PIEZO2: variants seen among roughly 807,000 people sequenced by gnomAD.
The protein encoded by PIEZO2 is piezo-type mechanosensitive ion channel component 2.
In PIEZO2, 172 loss-of-function variants were observed where a neutral mutation model predicts 337.3. The ratio of observed to expected loss-of-function variants is 0.51; its 90% CI spans 0.45 to 0.58. PIEZO2 has a LOEUF of 0.58. PIEZO2 is among the 20% of genes least tolerant of loss of function. PIEZO2 has a pLI of 0.00. For missense variants in PIEZO2, 3,028 were observed against 3,391.3 expected, an observed-to-expected ratio of 0.89 and a Z score of 2.66; for synonymous variants, 1,251 against 1,228.5, an observed-to-expected ratio of 1.02 and a Z score of -0.38.
intron 1 of PIEZO2, among the ~76,000 whole-genome samples, chr18:11,108,774 T>C (rs1464424456): frequency 6.6e-6 from 1 of 152,104 alleles, no homozygotes; most frequent in Non-Finnish European, 1.5e-5. Context: ...GGGGAAATGC[T>C]CGTGCCACAG....
intron 36 of PIEZO2, among the ~76,000 whole-genome samples, chr18:10,719,645 G>A (rs2036172302): frequency 1.3e-5 from 2 of 152,124 alleles, no homozygotes; most frequent in South Asian, 2.1e-4. Context: ...ATTGTGAATA[G>A]TGCTACAATA....
intron 21 of PIEZO2, 137 bp from the exon 22 acceptor site, chr18:10,763,235 C>G (rs982457323): frequency 2.2e-6 from 2 of 904,380 alleles, no homozygotes; most frequent in Admixed American, 5.0e-5. Context: ...AAGGAATTGC[C>G]CTAGGTGCTG....
intron 2 of PIEZO2, among the ~76,000 whole-genome samples, chr18:10,996,370 A>G (rs1301549338): frequency 6.6e-6 from 1 of 152,236 alleles, no homozygotes; most frequent in African/African-American, 2.4e-5. Context: ...TTCACATAAT[A>G]AAAAATAGAT....
In PIEZO2 at chr18:11,111,365, C is replaced by T. The variant is rs1598977071; in HGVS notation, c.64+37160G>A. On this transcript the variant is annotated intron_variant, in intron 1 of 55. Transcript: ENST00000674853. The surrounding 1 kb of genome is among the most constrained non-coding windows in gnomAD (Gnocchi z 6.2). ...TCTACAGTGGCTTCTGTTTTCCTAA[C>T]CAAGTCCTGAACCAATGTAAGACTT... is the stretch of plus-strand genomic sequence containing the variant. Among the ~76,000 whole-genome samples, 1 of 152,194 alleles carries T rather than the reference C, an allele frequency of 6.6e-6. No homozygotes were observed. The highest frequency in any genetic ancestry group is 2.4e-5 in the African/African-American group (1 of 41,430).
chr18:10,915,253 A>T (rs1319735699), intron 3 of PIEZO2, among the ~76,000 whole-genome samples: 1 of 136,472 alleles, frequency 7.3e-6, no homozygotes, highest in Non-Finnish European at 1.6e-5. Flanking sequence ...ACGTGTGCAG[A>T]GGGAAGCAGG....
chr18:10,956,169 A>G (rs987190172), intron 3 of PIEZO2, among the ~76,000 whole-genome samples: 2 of 152,222 alleles, frequency 1.3e-5, no homozygotes, highest in Non-Finnish European at 2.9e-5. Context: ...AAAAAATGTC[A>G]ATAGCCTAAT....
intron 17 of PIEZO2, among the ~76,000 whole-genome samples, chr18:10,780,685 T>TC (rs1555645142): frequency 8.0e-5 from 12 of 150,322 alleles, no homozygotes; most frequent in Admixed American, 2.0e-4. Flanking sequence ...TTTTTTTTTT[T>TC]CAGAGTCTTG....
chr18:11,053,603 C>T (rs550244588), intron 2 of PIEZO2, among the ~76,000 whole-genome samples: 1 of 152,212 alleles, frequency 6.6e-6, no homozygotes, highest in Non-Finnish European at 1.5e-5. Flanking sequence ...ATTTACTGAG[C>T]ACTTATTGTG....
chr18:10,962,196 A>G lies in PIEZO2; in HGVS notation c.286+17339T>C, dbSNP rs1467109203. Among the ~76,000 whole-genome samples, 1 of 152,218 alleles carries G rather than the reference A, an allele frequency of 6.6e-6. No individual in the cohort carries two copies. The highest frequency in any genetic ancestry group is 2.4e-5 in the African/African-American group (1 of 41,452). ...ATTTCCAGATGCTCTGTTCAATGAA[A>G]GAGTCTTAAAAATAATGCAAAACGA... On this transcript the variant is annotated intron_variant, in intron 3 of 55. Coordinates refer to ENST00000674853, the MANE Select transcript of PIEZO2 (RefSeq NM_001378183.1). The surrounding 1 kb of genome is among the most constrained non-coding windows in gnomAD (Gnocchi z 4.1).
intron 49 of PIEZO2, among the ~76,000 whole-genome samples, chr18:10,683,854 C>T (rs2143531315): frequency 6.6e-6 from 1 of 152,306 alleles, no homozygotes; most frequent in Admixed American, 6.5e-5. Context: ...AGTGGGACCA[C>T]ATTGGTTCCT....
rs1374850289 is a variant in PIEZO2, at chr18:10,969,638, C to A, written c.286+9897G>T. On this transcript the variant is annotated intron_variant, in intron 3 of 55. Coordinates refer to ENST00000674853, the MANE Select transcript of PIEZO2 (RefSeq NM_001378183.1). The surrounding 1 kb of genome is among the most constrained non-coding windows in gnomAD (Gnocchi z 4.5). The stretch of plus-strand genomic sequence containing the variant: ...AAGTAACTTAATTGATAAATAGTTT[C>A]TAAAGAGAAATAAAACACGTCATTC... Among the ~76,000 whole-genome samples the A allele has an allele frequency of 1.3e-5, 2 of 151,862 alleles. No homozygotes were observed. Among genetic ancestry groups the A allele is most frequent in the African/African-American group, 4.8e-5 (2 of 41,314 alleles).
rs2034707165 is a variant in PIEZO2, at chr18:10,982,495, C to G, written c.161-2835G>C. 6.6e-6 allele frequency among the ~76,000 whole-genome samples: 1 copy of G among 152,176 alleles called. No individual in the cohort carries two copies. Among genetic ancestry groups the G allele is most frequent in the Non-Finnish European group, 1.5e-5 (1 of 68,000 alleles). On this transcript the variant is annotated intron_variant, in intron 2 of 55. Transcript: ENST00000674853. This position sits in a 1 kb window ranked among gnomAD's most constrained non-coding sequence, Gnocchi z 4.1. ...CAAAATTTAGTCTAAAAATTCAGTACAGTTTAAAATAAAATGCCAGTAGAA... is the reference window on the plus strand; with the variant it reads ...CAAAATTTAGTCTAAAAATTCAGTAGAGTTTAAAATAAAATGCCAGTAGAA...
rs1031987298 is a variant in PIEZO2 at position 11,032,092 on chromosome 18, C to T, written c.160+34035G>A. ...TTTCAGGACCTGCCATGTACCAAAGCGTGTGCTACATGGCCCCAATCATGC... is the reference window on the plus strand; with the variant it reads ...TTTCAGGACCTGCCATGTACCAAAGTGTGTGCTACATGGCCCCAATCATGC... On this transcript the variant is annotated intron_variant, in intron 2 of 55. Coordinates refer to ENST00000674853, the MANE Select transcript of PIEZO2 (RefSeq NM_001378183.1). The surrounding 1 kb of genome is among the most constrained non-coding windows in gnomAD (Gnocchi z 4.9). Among the ~76,000 whole-genome samples the T allele has an allele frequency of 5.3e-5, 8 of 152,128 alleles. No homozygotes were observed. Among genetic ancestry groups the T allele is most frequent in the African/African-American group, 1.2e-4 (5 of 41,416 alleles).
intron 2 of PIEZO2, among the ~76,000 whole-genome samples, chr18:11,039,500 T>G (rs1217826726): frequency 6.6e-6 from 1 of 152,172 alleles, no homozygotes; most frequent in African/African-American, 2.4e-5. Flanking sequence ...CTGTCAAACA[T>G]TCAAGCAAAT....
chr18:11,108,801 C>T (rs1410275901), intron 1 of PIEZO2, among the ~76,000 whole-genome samples: 5 of 152,008 alleles, frequency 3.3e-5, no homozygotes, highest in African/African-American at 1.2e-4. Context: ...TGTAGCAGAG[C>T]TCAGGGCTGG....
intron 51 of PIEZO2, among the ~76,000 whole-genome samples, chr18:10,681,215 A>C (rs2034249644): frequency 6.6e-6 from 1 of 152,200 alleles, no homozygotes; most frequent in Non-Finnish European, 1.5e-5. Context: ...TGCCAATCAA[A>C]TTCATGTAAT....
intron 2 of PIEZO2, among the ~76,000 whole-genome samples, chr18:11,061,207 C>G (rs906654789): frequency 4.8e-4 from 73 of 151,290 alleles, no homozygotes; most frequent in Non-Finnish European, 8.7e-4. Flanking sequence ...ATTCAACAAC[C>G]CTTCATGCTA....
intron 2 of PIEZO2, among the ~76,000 whole-genome samples, chr18:11,042,822 G>C (rs2037172739): frequency 6.6e-6 from 1 of 152,316 alleles, no homozygotes; most frequent in South Asian, 2.1e-4. Context: ...ATGTCAGTAT[G>C]TAACTCAAGC....
intron 5 of PIEZO2, among the ~76,000 whole-genome samples, chr18:10,866,865 G>A (rs2042020787): frequency 6.6e-6 from 1 of 152,096 alleles, no homozygotes; most frequent in African/African-American, 2.4e-5. Context: ...AAACTACTAG[G>A]AGTAAAACCT....
Sources: gnomAD v4.1 joint callset for allele counts (sites outside exome capture counted in the v4.1 genomes callset) on GRCh38, gnomAD v4.1.1 for gene constraint, Gnocchi (gnomAD v3.1) non-coding constraint, MANE v1.5 for transcripts, NCBI Gene and HGNC (gene_info 2026-07-23, HGNC 2026-07-21) for gene names.